The following THSD7A variants were observed in gnomAD, a reference collection of about 807,000 sequenced individuals.
THSD7A encodes the protein thrombospondin type 1 domain containing 7A.
Under a neutral mutation model 231.3 loss-of-function variants are expected in THSD7A, and 96 were observed. The ratio of observed to expected loss-of-function variants is 0.41; its 90% confidence interval spans 0.35 to 0.49. THSD7A has a LOEUF of 0.49. THSD7A is among the 20% of genes least tolerant of loss of function. The pLI is 0.05. For missense variants in THSD7A, 2,290 were observed against 2,070.2 expected (o/e 1.11, Z -2.06); for synonymous variants, 940 against 743.3 (o/e 1.26, Z -4.30).
chr7:11,734,402 T>C (rs1361005618), intron 1 of THSD7A, among the ~76,000 whole-genome samples: 1 of 151,954 alleles, frequency 6.6e-6, no homozygotes, highest in Non-Finnish European at 1.5e-5. Flanking sequence ...ATTCAAACTA[T>C]TTAATTTAAA....
At chr7:11,485,401 C>T (rs1487990965) in intron 6 of THSD7A, among the ~76,000 whole-genome samples, 1 of 152,180 alleles carries the variant, frequency 6.6e-6, no homozygotes. Context: ...TCTCTTCACA[C>T]AGAGTATCCA....
chr7:11,753,773 G>GGAGA (rs149223505), intron 1 of THSD7A, among the ~76,000 whole-genome samples: 3 of 149,946 alleles, frequency 2.0e-5, no homozygotes, highest in African/African-American at 7.3e-5. Flanking sequence ...ACAATGCAAT[G>GGAGA]GAGAGAGAGA....
At position 11,742,278 on chromosome 7, in the gene THSD7A, A is replaced by C. The variant is rs577407888; in HGVS notation, c.190+89479T>G. Among the ~76,000 whole-genome samples, 7 of 152,064 alleles carry C rather than the reference A, an allele frequency of 4.6e-5. No homozygotes were observed. The South Asian group carries it at 1.4e-3, about 31-fold the overall frequency. On this transcript the variant is annotated intron_variant, in intron 1 of 27. Coordinates refer to ENST00000423059, the MANE Select transcript of THSD7A (RefSeq NM_015204.3). ...TGACAATTAGGGTGAGAGAAAGGAA[A>C]ATCATTAAATTCAGGTTTTGTCTAG...
At chr7:11,579,834 T>C (rs58632740) in intron 4 of THSD7A, among the ~76,000 whole-genome samples, 3,796 of 152,240 alleles carry the variant, frequency 0.025, 142 homozygotes, top group African/African-American at 0.087. Context: ...TCTAGAACTA[T>C]GGGGAAAACA....
At chr7:11,758,217 C>T (rs1424212367) in intron 1 of THSD7A, among the ~76,000 whole-genome samples, 1 of 151,762 alleles carries the variant, frequency 6.6e-6, no homozygotes, top group East Asian at 1.9e-4. Context: ...ACTACACTAT[C>T]TTGAGGGAAG....
chr7:11,529,194 G>A (rs962520670), intron 6 of THSD7A, among the ~76,000 whole-genome samples: 8 of 152,030 alleles, frequency 5.3e-5, no homozygotes, highest in African/African-American at 1.9e-4. Context: ...AAAGATATTA[G>A]CTCAATGTCA....
chr7:11,536,285 A>T (rs59758867), intron 6 of THSD7A, among the ~76,000 whole-genome samples: 1 of 152,066 alleles, frequency 6.6e-6, no homozygotes, highest in African/African-American at 2.4e-5. Context: ...CAACATTTAT[A>T]TTCCTTACCA....
intron 23 of THSD7A, among the ~76,000 whole-genome samples, chr7:11,392,716 T>C (rs555454179): frequency 2.8e-4 from 42 of 152,280 alleles, no homozygotes; most frequent in East Asian, 9.7e-4. Flanking sequence ...TATACCATTA[T>C]TGAGACTGGA....
At chr7:11,699,643 A>G (rs181836369) in intron 1 of THSD7A, among the ~76,000 whole-genome samples, 2 of 151,468 alleles carry the variant, frequency 1.3e-5, no homozygotes, top group East Asian at 3.9e-4. Context: ...TGTCCTAAAT[A>G]AATAAATAAA....
Position 11,618,860 on chromosome 7 carries a change from T to C in THSD7A, c.1022+17270A>G, listed in dbSNP as rs544270006. On this transcript the variant is annotated intron_variant, in intron 2 of 27. Transcript: ENST00000423059. ...ATATACAATCCAATTTATGCACACA[T>C]ATGAATTTAGATATATAATGTAATG... is the stretch of plus-strand genomic sequence containing the variant. Among the ~76,000 whole-genome samples the C allele has an allele frequency of 2.0e-5, 3 of 151,898 alleles. No individual in the cohort carries two copies. In the South Asian group the frequency reaches 6.2e-4, roughly 32 times the overall value.
At chr7:11,427,926 C>T (rs892753422) in intron 14 of THSD7A, among the ~76,000 whole-genome samples, 3 of 152,120 alleles carry the variant, frequency 2.0e-5, no homozygotes, top group Non-Finnish European at 2.9e-5. Flanking sequence ...AGCAACTTCA[C>T]TTGGGGAACA....
At chr7:11,740,438 C>T (rs149986214) in intron 1 of THSD7A, among the ~76,000 whole-genome samples, 44 of 152,038 alleles carry the variant, frequency 2.9e-4, no homozygotes, top group African/African-American at 1.0e-3. Flanking sequence ...TAACACAATT[C>T]GGATCTCTAC....
chr7:11,513,256 A>T (rs1457950014), intron 6 of THSD7A, among the ~76,000 whole-genome samples: 1 of 151,856 alleles, frequency 6.6e-6, no homozygotes, highest in Non-Finnish European at 1.5e-5. Context: ...AATCTCCACT[A>T]AAAAACTTAC....
chr7:11,681,819 A>G (rs1233952801), intron 1 of THSD7A, among the ~76,000 whole-genome samples: 1 of 151,860 alleles, frequency 6.6e-6, no homozygotes, highest in Non-Finnish European at 1.5e-5. Context: ...CAGAATTTCC[A>G]ATTTCAAATG....
intron 6 of THSD7A, among the ~76,000 whole-genome samples, chr7:11,511,872 G>T (rs1787823149): frequency 6.6e-6 from 1 of 152,158 alleles, no homozygotes; most frequent in African/African-American, 2.4e-5. Context: ...ACATAGGCAT[G>T]GGCAAGGACT....
Position 11,380,559 on chromosome 7 carries a change from T to C in THSD7A, c.4508-847A>G, listed in dbSNP as rs538202074. ...CAATATTATAATCACAAAATACTCA[T>C]AGAAAAATTGTCACAGAAAAGCAGT... On this transcript the variant is annotated intron_variant, in intron 24 of 27. Coordinates refer to ENST00000423059, the MANE Select transcript of THSD7A (RefSeq NM_015204.3). 2.0e-5 allele frequency among the ~76,000 whole-genome samples: 3 copies of C among 152,276 alleles called. No individual in the cohort carries two copies. In the East Asian group the frequency reaches 5.8e-4, roughly 29 times the overall value.
intron 23 of THSD7A, among the ~76,000 whole-genome samples, chr7:11,387,179 G>C (rs997388623): frequency 1.3e-5 from 2 of 152,166 alleles, no homozygotes; most frequent in Admixed American, 6.5e-5. Flanking sequence ...GCTTAGGATT[G>C]TCTTGGCTAT....
At chr7:11,510,153 A>T (rs1180135017) in intron 6 of THSD7A, among the ~76,000 whole-genome samples, 1 of 152,186 alleles carries the variant, frequency 6.6e-6, no homozygotes, top group African/African-American at 2.4e-5. Context: ...CCAAATGCCG[A>T]TCAGTCAACG....
chr7:11,417,432 A>G lies in THSD7A; in HGVS notation c.3537+18T>C. On this transcript the variant is annotated intron_variant, in intron 17 of 27. Transcript: ENST00000423059. The stretch of plus-strand genomic sequence containing the variant: ...AATTAAATAAACTCTACATTAATAA[A>G]AAGGTTAATCATCTCACCAAAACAC... 6.4e-7 allele frequency: 1 copy of G among 1,560,262 alleles called. No individual in the cohort carries two copies. Among genetic ancestry groups the G allele is most frequent in the African/African-American group, 1.4e-5 (1 of 71,790 alleles).
Sources: allele counts gnomAD v4.1 joint callset (sites outside exome capture counted in the v4.1 genomes callset), GRCh38; gene constraint gnomAD v4.1.1; transcripts MANE v1.5; gene names NCBI Gene and HGNC (gene_info 2026-07-23, HGNC 2026-07-21).